AKAP6: variants seen among roughly 807,000 people sequenced by gnomAD.
AKAP6 encodes A-kinase anchoring protein 6.
A neutral mutation model predicts 188.5 loss-of-function variants in AKAP6; 58 were observed. The observed-to-expected ratio is 0.31, with a 90% CI of 0.25 to 0.38. The LOEUF (loss-of-function observed/expected upper bound fraction) is 0.38. Ranked by LOEUF, AKAP6 falls within the 10% of genes least tolerant of loss-of-function variation. The pLI, the probability that AKAP6 is intolerant of heterozygous loss-of-function variation, is 1.00. For synonymous variants in AKAP6, 989 were observed against 998.6 expected, an observed-to-expected ratio of 0.99 and a Z score of 0.18; for missense variants, 2,710 against 2,740.0, an observed-to-expected ratio of 0.99 and a Z score of 0.24.
At chr14:32,724,269 G>T (rs1438345028) in intron 9 of AKAP6, among the ~76,000 whole-genome samples, 3 of 151,986 alleles carry the variant, frequency 2.0e-5, no homozygotes, top group African/African-American at 7.3e-5. Context: ...AATAAGAATG[G>T]ACCAAAGAAG....
At chr14:32,818,303 C>T (rs898360662) in intron 12 of AKAP6, among the ~76,000 whole-genome samples, 5 of 152,136 alleles carry the variant, frequency 3.3e-5, no homozygotes, top group African/African-American at 4.8e-5. Context: ...TCCATTCCAA[C>T]TACAGCTGTT....
chr14:32,724,357 G>A (rs1355559864), intron 9 of AKAP6, among the ~76,000 whole-genome samples: 1 of 152,128 alleles, frequency 6.6e-6, no homozygotes, highest in Non-Finnish European at 1.5e-5. Context: ...AACTCTCCGT[G>A]CTTCTAAATG....
At chr14:32,436,346 A>C (rs1890376241) in intron 2 of AKAP6, among the ~76,000 whole-genome samples, 1 of 152,076 alleles carries the variant, frequency 6.6e-6, no homozygotes, top group African/African-American at 2.4e-5. Flanking sequence ...TGGGCATCTC[A>C]AGCCCATCAA....
Position 32,568,933 on chromosome 14 carries a change from A to G in AKAP6, c.2347-8187A>G, listed in dbSNP as rs952246731. On this transcript the variant is annotated intron_variant, in intron 4 of 13. Transcript: ENST00000280979. The surrounding 1 kb of genome is among the most constrained non-coding windows in gnomAD (Gnocchi z 6.2). ...TGCATTCCAATCTTGTTTTGCCCTT[A>G]GAATGACTGATAATTTCTTTTTATA... Among the ~76,000 whole-genome samples, 1 of 152,238 alleles carries G rather than the reference A, an allele frequency of 6.6e-6. No homozygotes were observed. Among genetic ancestry groups the G allele is most frequent in the Non-Finnish European group, 1.5e-5 (1 of 68,042 alleles).
At chr14:32,402,743 T>A (rs533586777) in intron 1 of AKAP6, among the ~76,000 whole-genome samples, 1 of 149,886 alleles carries the variant, frequency 6.7e-6, no homozygotes, top group Non-Finnish European at 1.5e-5. Context: ...TTTTTTTTTT[T>A]CTTTGAGACA....
chr14:32,540,308 C>T (rs1263627715), intron 3 of AKAP6, among the ~76,000 whole-genome samples: 1 of 151,254 alleles, frequency 6.6e-6, no homozygotes, highest in Non-Finnish European at 1.5e-5. Context: ...AAGCAATTCT[C>T]CTGCCTCAGC....
intron 9 of AKAP6, among the ~76,000 whole-genome samples, chr14:32,725,971 A>G (rs905517928): frequency 6.6e-6 from 1 of 152,210 alleles, no homozygotes; most frequent in African/African-American, 2.4e-5. Context: ...CAGGATTTTT[A>G]AAAAGCAGCT....
At chr14:32,826,244 A>C (rs1463684303) in intron 13 of AKAP6, among the ~76,000 whole-genome samples, 1 of 152,182 alleles carries the variant, frequency 6.6e-6, no homozygotes, top group Non-Finnish European at 1.5e-5. Flanking sequence ...CCCACTTACT[A>C]ATATAGCTCA....
intron 5 of AKAP6, among the ~76,000 whole-genome samples, chr14:32,594,939 T>G (rs1402397303): frequency 6.6e-6 from 1 of 152,192 alleles, no homozygotes; most frequent in Admixed American, 6.5e-5. Flanking sequence ...ACCTCTGGTA[T>G]TTATCATCAG....
chr14:32,456,292 C>T (rs982621652), intron 2 of AKAP6, among the ~76,000 whole-genome samples: 1 of 151,786 alleles, frequency 6.6e-6, no homozygotes, highest in Non-Finnish European at 1.5e-5. Flanking sequence ...TCATTAGTGC[C>T]ATCTTACTTA....
At chr14:32,660,089 A>C (rs1388368254) in intron 7 of AKAP6, among the ~76,000 whole-genome samples, 2 of 152,298 alleles carry the variant, frequency 1.3e-5, no homozygotes, top group East Asian at 3.9e-4. Context: ...AGAACCTATG[A>C]TAGCTGGAAA....
At chr14:32,659,713 A>T (rs1280157547) in intron 7 of AKAP6, among the ~76,000 whole-genome samples, 2 of 152,106 alleles carry the variant, frequency 1.3e-5, no homozygotes, top group Non-Finnish European at 2.9e-5. Flanking sequence ...GTTTCAGAAA[A>T]ATAGTTTCCA....
intron 1 of AKAP6, among the ~76,000 whole-genome samples, chr14:32,338,487 CAT>C (rs35822049): frequency 0.27 from 41,392 of 151,288 alleles, 6,540 homozygotes; most frequent in East Asian, 0.48. Context: ...GCAATTTATA[CAT>C]ATATATATAT....
At chr14:32,754,132 T>G (rs76845237) in intron 11 of AKAP6, among the ~76,000 whole-genome samples, 6,548 of 152,214 alleles carry the variant, frequency 0.043, 531 homozygotes, top group East Asian at 0.38. Context: ...ATTGTATTGC[T>G]ATTTCTCTCT....
rs186538237 is a variant in AKAP6 at position 32,540,982 on chromosome 14, G to T, written c.577-4248G>T. Among the ~76,000 whole-genome samples, 993 of 151,720 alleles carry T rather than the reference G, an allele frequency of 6.5e-3. 19 individuals are homozygous for T. Among genetic ancestry groups the T allele is most frequent in the Admixed American group, 0.028 (424 of 15,230 alleles). ...GCAGTTTATACTGCTTGGGTGATGAGTGCACCAAAATCTCACACATCACCA... is the reference window on the plus strand; with the variant it reads ...GCAGTTTATACTGCTTGGGTGATGATTGCACCAAAATCTCACACATCACCA... On this transcript the variant is annotated intron_variant, in intron 3 of 13. Transcript: ENST00000280979.
At chr14:32,622,637 G>A (rs1389367483) in intron 7 of AKAP6, among the ~76,000 whole-genome samples, 2 of 152,080 alleles carry the variant, frequency 1.3e-5, no homozygotes, top group Non-Finnish European at 2.9e-5. Flanking sequence ...ATCGGAGTTG[G>A]TTGCTAAGAA....
chr14:32,435,732 C>T (rs1362284673), intron 2 of AKAP6, among the ~76,000 whole-genome samples: 1 of 152,136 alleles, frequency 6.6e-6, no homozygotes, highest in African/African-American at 2.4e-5. Flanking sequence ...CCTAGGATGT[C>T]TATCATGACT....
At chr14:32,526,628 C>A (rs924065116) in intron 2 of AKAP6, among the ~76,000 whole-genome samples, 1 of 152,194 alleles carries the variant, frequency 6.6e-6, no homozygotes, top group Non-Finnish European at 1.5e-5. Context: ...GGTCCTTCGA[C>A]CTTGGCCTCC....
intron 11 of AKAP6, among the ~76,000 whole-genome samples, chr14:32,761,046 C>G (rs930266778): frequency 6.6e-6 from 1 of 152,154 alleles, no homozygotes; most frequent in Admixed American, 6.5e-5. Context: ...AGCTAAGAAG[C>G]AAATACCCAG....
Sources: gnomAD v4.1 joint callset for allele counts (sites outside exome capture counted in the v4.1 genomes callset) on GRCh38, gnomAD v4.1.1 for gene constraint, Gnocchi (gnomAD v3.1) non-coding constraint, MANE v1.5 for transcripts, NCBI Gene and HGNC (gene_info 2026-07-23, HGNC 2026-07-21) for gene names.